The following KLRB1 variants were observed in gnomAD, a reference collection of about 807,000 sequenced individuals.
The protein encoded by KLRB1 is killer cell lectin like receptor B1.
KLRB1 carries 27 observed loss-of-function variants against 33.5 expected under a neutral mutation model. The ratio of observed to expected loss-of-function variants is 0.81; its 90% CI spans 0.59 to 1.11. KLRB1 has a LOEUF of 1.11. Among genes scored for constraint, KLRB1 ranks in the 50% most tolerant of loss-of-function variants. The probability of loss-of-function intolerance (pLI) is 0.00; values close to 1 mark genes in which losing one functional copy is unlikely to be tolerated. For missense variants in KLRB1, 241 were observed against 254.1 expected, an observed-to-expected ratio of 0.95 and a Z score of 0.35; for synonymous variants, 64 against 88.9, an observed-to-expected ratio of 0.72 and a Z score of 1.58.
intron 1 of KLRB1, among the ~76,000 whole-genome samples, chr12:9,607,406 T>TTCTTTCTTTCA: frequency 3.4e-5 from 1 of 29,064 alleles, no homozygotes; most frequent in South Asian, 1.3e-3. Flanking sequence ...CTTTCTTTCT[T>TTCTTTCTTTCA]TTCTTTCTTT....
At chr12:9,598,439 C>CAT (rs3072716) in intron 4 of KLRB1, 60 bp downstream of exon 4, 1,322,026 of 1,453,998 alleles carry the variant, frequency 0.91, 603,451 homozygotes, top group East Asian at 0.99. Flanking sequence ...AATGCACAGA[C>CAT]ATTAATATGG....
At chr12:9,603,949 A>G (rs1864572769) in intron 1 of KLRB1, among the ~76,000 whole-genome samples, 1 of 152,138 alleles carries the variant, frequency 6.6e-6, no homozygotes, top group Non-Finnish European at 1.5e-5. Context: ...CAATTCTTCT[A>G]AATGCTGGGC....
At chr12:9,601,637 C>CAAAT (rs2120715374) in intron 1 of KLRB1, 38 bp from the exon 2 acceptor site, 1 of 1,465,736 alleles carries the variant, frequency 6.8e-7, no homozygotes, top group Non-Finnish European at 9.5e-7. Flanking sequence ...AACAAACAAA[C>CAAAT]AAACGAAACA....
At chr12:9,600,009 A>C (rs931344588) in intron 2 of KLRB1, among the ~76,000 whole-genome samples, 168 bp from the exon 3 acceptor site, 4 of 151,994 alleles carry the variant, frequency 2.6e-5, no homozygotes, top group Non-Finnish European at 4.4e-5. Flanking sequence ...TCTCACCTAC[A>C]GGAAGCATAC....
intron 1 of KLRB1, among the ~76,000 whole-genome samples, chr12:9,607,396 C>CTTTCTTTCTTTCT (rs1864630532): frequency 9.6e-5 from 9 of 93,830 alleles, no homozygotes; most frequent in African/African-American, 3.3e-4. Flanking sequence ...TTCTTTCTTT[C>CTTTCTTTCTTTCT]TTTCTTTCTT....
intron 3 of KLRB1, 70 bp from the exon 4 acceptor site, chr12:9,598,723 T>TCA (rs1404037538): frequency 9.4e-5 from 98 of 1,039,436 alleles, no homozygotes; most frequent in Middle Eastern, 4.3e-4. Context: ...CCACAACCAA[T>TCA]CACACACACA....
rs1491392820 is a variant in KLRB1, at chr12:9,607,275, T to TC, written c.85+479dup. Among the ~76,000 whole-genome samples the TC allele has an allele frequency of 7.8e-4, 64 of 82,348 alleles. 1 individual carries two copies. The highest frequency in any genetic ancestry group is 1.9e-3 in the African/African-American group (56 of 28,948). 54.0% of individuals were successfully genotyped at this position (82,348 alleles called of 152,430 possible). On this transcript the variant is annotated intron_variant, in intron 1 of 5. Transcript: ENST00000229402. ...CTCTTTTTCTTTCTTTCCTTTCCTT[T>TC]CTCTCTCTTTCTTTTTCTTTCTCTC...
Position 9,599,848 on chromosome 12 carries a change from C to T in KLRB1, c.185-7G>A. The T allele has an allele frequency of 6.5e-7, 1 of 1,529,490 alleles. No homozygotes were observed. The highest frequency in any genetic ancestry group is 1.4e-5 in the African/African-American group (1 of 73,090). The allele number at this position is 1,529,490 out of a possible 1,614,324, so 94.7% of individuals were successfully genotyped here. A position where few individuals can be genotyped will look rare whatever the true frequency, so the allele number is the denominator to read the frequency against. ...TTCTGTATTAAGGATGTCACTAGTA[C>T]ATAAGGAAAAACAAGAGTATTAAAT... On this transcript the variant is annotated splice_region_variant and splice_polypyrimidine_tract_variant and intron_variant, in intron 2 of 5. Transcript: ENST00000229402.
Position 9,595,335 on chromosome 12 carries a change from A to G in KLRB1, c.617T>C (p.Ile206Thr), listed in dbSNP as rs1330967106. 1 of 1,613,216 alleles carries G rather than the reference A, an allele frequency of 6.2e-7. No homozygotes were observed. The highest frequency in any genetic ancestry group is 1.7e-5 in the Admixed American group (1 of 59,988). ...SVYSEYCSTE[I>T]RWICQKELTP... is the part of the protein sequence containing the mutation. ...TAGTTCTTTTTGGCAGATCCATCTGATTTCTGTACTACAGTACTCAGAATA... is the reference window on the plus strand; with the variant it reads ...TAGTTCTTTTTGGCAGATCCATCTGGTTTCTGTACTACAGTACTCAGAATA... Residue 206 changes from isoleucine to threonine, a missense_variant, in exon 6 of 6, where the codon ATC (isoleucine) becomes ACC (threonine). Coordinates refer to ENST00000229402, the MANE Select transcript of KLRB1 (RefSeq NM_002258.3).
chr12:9,607,313 CTTCTTT>C (rs1565444468), intron 1 of KLRB1, among the ~76,000 whole-genome samples: 1,367 of 100,458 alleles, frequency 0.014, 111 homozygotes, highest in African/African-American at 0.043. Flanking sequence ...TTCTTTCTTT[CTTCTTT>C]TCTTTCTCTT....
At chr12:9,607,414 T>TTTCC (rs1864633441) in intron 1 of KLRB1, among the ~76,000 whole-genome samples, 2 of 142,602 alleles carry the variant, frequency 1.4e-5, no homozygotes, top group Non-Finnish European at 1.5e-5. Context: ...CTTTTCTTTC[T>TTTCC]TTCTTTCTTT....
intron 1 of KLRB1, among the ~76,000 whole-genome samples, chr12:9,601,858 A>T (rs775656957): frequency 6.6e-6 from 1 of 152,216 alleles, no homozygotes; most frequent in African/African-American, 2.4e-5. Flanking sequence ...TATACAAAGG[A>T]TTGGTGTAAG....
chr12:9,607,659 T>C (rs1190726442), intron 1 of KLRB1, 96 bp downstream of exon 1: 2 of 820,834 alleles, frequency 2.4e-6, no homozygotes, highest in African/African-American at 1.7e-5. Context: ...AAACTACTGC[T>C]CATCTTTAAA....
At chr12:9,606,442 CA>C (rs1477960205) in intron 1 of KLRB1, 1 of 151,976 alleles carries the variant, frequency 6.6e-6, no homozygotes, top group African/African-American at 2.4e-5. Flanking sequence ...AGGAAAGTGC[CA>C]GTTTCAACAA....
rs1419119082 is a variant in KLRB1 at position 9,601,490 on chromosome 12, G to A, written c.184+11C>T. 6.3e-7 allele frequency: 1 copy of A among 1,575,842 alleles called. No homozygotes were observed. Among genetic ancestry groups the A allele is most frequent in the Admixed American group, 1.7e-5 (1 of 59,918 alleles). On this transcript the variant is annotated intron_variant, in intron 2 of 5. Transcript: ENST00000229402. ...TAAGTATTATGAAACAGATGATGGTGCCCCACTTACCTGAAACACTCAACC... is the reference window on the plus strand; with the variant it reads ...TAAGTATTATGAAACAGATGATGGTACCCCACTTACCTGAAACACTCAACC...
At position 9,594,907 on chromosome 12, in the gene KLRB1, G is replaced by T; in HGVS notation, c.*367C>A. ...ATAGCCCTCCCAGAGGAATCTTCAC[G>T]GCTTGCCGCGTGCGGGAAGAGACAG... On this transcript the variant is annotated 3_prime_UTR_variant, in exon 6 of 6. Transcript: ENST00000229402. The T allele has an allele frequency of 6.7e-6, 1 of 148,784 alleles. No homozygotes were observed. The highest frequency in any genetic ancestry group is 1.4e-5 in the Non-Finnish European group (1 of 69,916). 9.2% of individuals were successfully genotyped at this position (148,784 alleles called of 1,614,324 possible).
chr12:9,604,202 G>A (rs1408965321), intron 1 of KLRB1, among the ~76,000 whole-genome samples: 1 of 152,014 alleles, frequency 6.6e-6, no homozygotes, highest in African/African-American at 2.4e-5. Context: ...TCACTACAGG[G>A]GTCCGGCGGA....
At chr12:9,598,713 C>T in intron 3 of KLRB1, 60 bp from the exon 4 acceptor site, 2 of 1,222,566 alleles carry the variant, frequency 1.6e-6, no homozygotes, top group Non-Finnish European at 2.3e-6. Context: ...CCCTGACACA[C>T]CACAACCAAT....
At chr12:9,600,021 GAAAC>G (rs1864524314) in intron 2 of KLRB1, among the ~76,000 whole-genome samples, 180 bp from the exon 3 acceptor site, 1 of 150,236 alleles carries the variant, frequency 6.7e-6, no homozygotes, top group South Asian at 2.1e-4. Flanking sequence ...GAAGCATACA[GAAAC>G]AAATAAGAAA....
Sources: allele counts gnomAD v4.1 joint callset (sites outside exome capture counted in the v4.1 genomes callset), GRCh38; gene constraint gnomAD v4.1.1; transcripts MANE v1.5; gene names NCBI Gene and HGNC (gene_info 2026-07-23, HGNC 2026-07-21).